The following CDH13 variants were observed in gnomAD, a reference collection of about 807,000 sequenced individuals.
CDH13 encodes cadherin 13.
In CDH13, 24 loss-of-function variants were observed where a neutral mutation model predicts 63.8. The ratio of observed to expected loss-of-function variants is 0.38; its 90% CI spans 0.27 to 0.53. CDH13 has a LOEUF of 0.53. CDH13 is among the 20% of genes least tolerant of loss of function. The pLI, the probability that CDH13 is intolerant of heterozygous loss-of-function variation, is 0.85. For synonymous variants in CDH13, 503 were observed against 355.3 expected, an observed-to-expected ratio of 1.42 and a Z score of -4.67; for missense variants, 1,049 against 903.1, an observed-to-expected ratio of 1.16 and a Z score of -2.07.
At chr16:83,073,365 G>GAGAGAGAC (rs1276064857) in intron 3 of CDH13, among the ~76,000 whole-genome samples, 1 of 134,764 alleles carries the variant, frequency 7.4e-6, no homozygotes, top group African/African-American at 2.6e-5. Flanking sequence ...GAGAGAGAGA[G>GAGAGAGAC]AGAGAGAGAG....
intron 7 of CDH13, among the ~76,000 whole-genome samples, chr16:83,519,425 GA>G (rs1332431836): frequency 1.3e-5 from 2 of 152,154 alleles, no homozygotes; most frequent in Non-Finnish European, 2.9e-5. Flanking sequence ...ATACTTCAAT[GA>G]AAAAGAAACA....
chr16:82,731,812 G>A (rs186871802), intron 1 of CDH13, among the ~76,000 whole-genome samples: 35 of 152,342 alleles, frequency 2.3e-4, no homozygotes, highest in Admixed American at 1.1e-3. Flanking sequence ...TTTGATATCA[G>A]TGAAATACAT....
At chr16:83,537,307 CA>C (rs1353287803) in intron 7 of CDH13, among the ~76,000 whole-genome samples, 1 of 152,182 alleles carries the variant, frequency 6.6e-6, no homozygotes, top group Non-Finnish European at 1.5e-5. Flanking sequence ...CTGATCTATG[CA>C]CAAAAATTTG....
At chr16:83,124,744 A>C (rs892015287) in intron 3 of CDH13, among the ~76,000 whole-genome samples, 3 of 152,118 alleles carry the variant, frequency 2.0e-5, no homozygotes, top group Non-Finnish European at 2.9e-5. Flanking sequence ...CCAATTTTCC[A>C]TATGGGTGTT....
intron 10 of CDH13, among the ~76,000 whole-genome samples, chr16:83,683,216 T>G (rs754068512): frequency 5.3e-5 from 8 of 152,250 alleles, no homozygotes; most frequent in Non-Finnish European, 8.8e-5. Context: ...TCACATTGTG[T>G]TGTTAGTCAA....
intron 7 of CDH13, among the ~76,000 whole-genome samples, chr16:83,581,403 C>T (rs530450267): frequency 6.6e-6 from 1 of 152,326 alleles, no homozygotes; most frequent in South Asian, 2.1e-4. Flanking sequence ...ATGCTCCTGC[C>T]TCAAGACTTT....
At chr16:82,952,178 C>G (rs1475196058) in intron 2 of CDH13, among the ~76,000 whole-genome samples, 2 of 152,220 alleles carry the variant, frequency 1.3e-5, no homozygotes, top group South Asian at 2.1e-4. Flanking sequence ...GAACTGGTCT[C>G]TTGTTAACAG....
chr16:83,251,880 G>T (rs903866887), intron 5 of CDH13, among the ~76,000 whole-genome samples: 7 of 151,816 alleles, frequency 4.6e-5, no homozygotes, highest in African/African-American at 1.7e-4. Context: ...TTCACACAAA[G>T]AGGCCTTCCC....
rs536924353 is a variant in CDH13, at chr16:82,862,846, C to G, written c.157+4373C>G. Reference sequence around the variant, plus strand: ...GGTAACTCTCCTCCCAGTGGTTGCCCTCCATGCAAGAACCTGATGGCCGAG... The same window carrying G: ...GGTAACTCTCCTCCCAGTGGTTGCCGTCCATGCAAGAACCTGATGGCCGAG... On this transcript the variant is annotated intron_variant, in intron 2 of 13. Coordinates refer to ENST00000567109, the MANE Select transcript of CDH13 (RefSeq NM_001257.5). 1.6e-4 allele frequency among the ~76,000 whole-genome samples: 24 copies of G among 152,322 alleles called. 1 individual carries two copies. The Middle Eastern group carries it at 0.014, about 86-fold the overall frequency.
At position 82,700,899 on chromosome 16, in the gene CDH13, T is replaced by C. The variant is rs566256204; in HGVS notation, c.45+73762T>C. On this transcript the variant is annotated intron_variant, in intron 1 of 13. Transcript: ENST00000567109. ...CTCTAAATCTACAAAGAAAAGGCCA[T>C]GTAATTTGCTTCTCTTTACAGTGCA... Among the ~76,000 whole-genome samples the C allele has an allele frequency of 9.8e-5, 14 of 142,348 alleles. No individual in the cohort carries two copies. In the South Asian group the frequency reaches 3.1e-3, roughly 32 times the overall value. The allele number at this position is 142,348 out of a possible 152,430, so 93.4% of individuals were successfully genotyped here. A position where few individuals can be genotyped will look rare whatever the true frequency, so the allele number is the denominator to read the frequency against.
At chr16:83,752,225 T>C (rs1453607019) in intron 11 of CDH13, among the ~76,000 whole-genome samples, 1 of 152,234 alleles carries the variant, frequency 6.6e-6, no homozygotes, top group Non-Finnish European at 1.5e-5. Context: ...CTGGCATTTC[T>C]TTGTGAAATT....
chr16:82,751,289 A>C (rs984272783), intron 1 of CDH13, among the ~76,000 whole-genome samples: 9 of 152,194 alleles, frequency 5.9e-5, no homozygotes, highest in Admixed American at 2.0e-4. Flanking sequence ...CTCTGTCATC[A>C]CTACCCTGAA....
intron 7 of CDH13, among the ~76,000 whole-genome samples, chr16:83,564,501 C>T (rs11645988): frequency 0.74 from 111,140 of 150,376 alleles, 41,010 homozygotes; most frequent in Middle Eastern, 0.8. Context: ...CTCTGCCTCC[C>T]GGGTTCAAGT....
At chr16:82,747,939 G>A (rs2034251111) in intron 1 of CDH13, among the ~76,000 whole-genome samples, 1 of 152,140 alleles carries the variant, frequency 6.6e-6, no homozygotes, top group Non-Finnish European at 1.5e-5. Context: ...AAAAACCAAG[G>A]CACAATTTTA....
At chr16:83,236,302 G>A (rs1023249818) in intron 5 of CDH13, among the ~76,000 whole-genome samples, 16 of 151,344 alleles carry the variant, frequency 1.1e-4, no homozygotes, top group African/African-American at 3.4e-4. Context: ...AAGATACTCT[G>A]CAAACTACAA....
rs536825849 is a variant in CDH13, at chr16:83,701,355, C to G, written c.1538+22894C>G. ...GCAGCGCTCCCAATTCATTTCTTTT[C>G]TAAATGACATATTTGTATGTTTCCT... On this transcript the variant is annotated intron_variant, in intron 10 of 13. Coordinates refer to ENST00000567109, the MANE Select transcript of CDH13 (RefSeq NM_001257.5). Among the ~76,000 whole-genome samples, 10 of 152,306 alleles carry G rather than the reference C, an allele frequency of 6.6e-5. 1 individual carries two copies. The East Asian group carries it at 1.7e-3, about 26-fold the overall frequency.
intron 1 of CDH13, among the ~76,000 whole-genome samples, chr16:82,795,469 G>T (rs567275511): frequency 3.9e-5 from 6 of 152,266 alleles, no homozygotes; most frequent in African/African-American, 1.4e-4. Flanking sequence ...ATGTAACAGT[G>T]ACAACTAACA....
At chr16:83,730,949 T>A (rs28476736) in intron 10 of CDH13, among the ~76,000 whole-genome samples, 28,086 of 152,072 alleles carry the variant, frequency 0.18, 2,622 homozygotes, top group Middle Eastern at 0.22. Context: ...TTCGCTTAGG[T>A]TAATGGCCTC....
At chr16:82,798,348 A>G (rs1445927840) in intron 1 of CDH13, among the ~76,000 whole-genome samples, 2 of 152,178 alleles carry the variant, frequency 1.3e-5, no homozygotes, top group Non-Finnish European at 2.9e-5. Flanking sequence ...CTCTTTCCAC[A>G]CTACCTAAAA....
Sources: gnomAD v4.1 joint callset for allele counts (sites outside exome capture counted in the v4.1 genomes callset) on GRCh38, gnomAD v4.1.1 for gene constraint, MANE v1.5 for transcripts, NCBI Gene and HGNC (gene_info 2026-07-23, HGNC 2026-07-21) for gene names.